CTNNA2: variants seen among roughly 807,000 people sequenced by gnomAD.
The protein encoded by CTNNA2 is catenin alpha 2.
A neutral mutation model predicts 101.0 loss-of-function variants in CTNNA2; 42 were observed. The ratio of observed to expected loss-of-function variants is 0.42; its 90% confidence interval spans 0.32 to 0.54. The LOEUF is 0.54. Ranked by LOEUF, CTNNA2 falls within the 20% of genes least tolerant of loss-of-function variation. The probability of loss-of-function intolerance (pLI) is 0.14; values close to 1 mark genes in which losing one functional copy is unlikely to be tolerated. For synonymous variants in CTNNA2, 450 were observed against 456.4 expected, an observed-to-expected ratio of 0.99 and a Z score of 0.18; for missense variants, 871 against 1,223.1, an observed-to-expected ratio of 0.71 and a Z score of 4.29.
intron 2 of CTNNA2, among the ~76,000 whole-genome samples, chr2:79,310,424 C>T (rs1392751148): frequency 6.6e-6 from 1 of 152,088 alleles, no homozygotes; most frequent in Non-Finnish European, 1.5e-5. Flanking sequence ...ATATGCTTTT[C>T]CTACATACAT....
chr2:79,814,904 T>C (rs1383706329), intron 3 of CTNNA2, among the ~76,000 whole-genome samples: 1 of 152,208 alleles, frequency 6.6e-6, no homozygotes, highest in Admixed American at 6.5e-5. Flanking sequence ...AGTGTAGAAG[T>C]GTTCCCTGAT....
chr2:79,349,999 G>A (rs539895793), intron 3 of CTNNA2, among the ~76,000 whole-genome samples: 180 of 148,870 alleles, frequency 1.2e-3, no homozygotes, highest in Non-Finnish European at 2.1e-3. Context: ...GTGTGAACCC[G>A]GGAGGCAGAG....
chr2:80,478,985 A>G (rs1437912462), intron 9 of CTNNA2, among the ~76,000 whole-genome samples: 2 of 149,456 alleles, frequency 1.3e-5, no homozygotes, highest in African/African-American at 4.9e-5. Flanking sequence ...TTATAACAGT[A>G]TTGATTCTTC....
At chr2:80,273,870 C>T (rs992101377) in intron 7 of CTNNA2, among the ~76,000 whole-genome samples, 7 of 152,084 alleles carry the variant, frequency 4.6e-5, no homozygotes, top group African/African-American at 1.7e-4. Flanking sequence ...AAACACTCTA[C>T]CTTTCCCCTG....
intron 4 of CTNNA2, among the ~76,000 whole-genome samples, chr2:79,385,752 C>A (rs966594057): frequency 6.6e-6 from 1 of 151,874 alleles, no homozygotes. Flanking sequence ...TCTCACTGTT[C>A]GACTCCCACC....
intron 3 of CTNNA2, among the ~76,000 whole-genome samples, chr2:79,807,249 T>G (rs1355190877): frequency 1.3e-5 from 2 of 152,186 alleles, no homozygotes; most frequent in Non-Finnish European, 2.9e-5. Context: ...ATTCATGATT[T>G]TTATCCTCCA....
At chr2:80,093,577 CA>C (rs2148824476) in intron 7 of CTNNA2, among the ~76,000 whole-genome samples, 2 of 152,258 alleles carry the variant, frequency 1.3e-5, no homozygotes, top group African/African-American at 4.8e-5. Context: ...GAGGAATCAC[CA>C]CACTGACTTC....
At chr2:80,485,519 A>C (rs1484095264) in intron 9 of CTNNA2, among the ~76,000 whole-genome samples, 2 of 152,224 alleles carry the variant, frequency 1.3e-5, no homozygotes, top group African/African-American at 4.8e-5. Flanking sequence ...TAATGAATGA[A>C]AAGGTCAGAC....
chr2:80,081,511 C>T (rs1236965307), intron 7 of CTNNA2, among the ~76,000 whole-genome samples: 6 of 150,738 alleles, frequency 4.0e-5, no homozygotes, highest in African/African-American at 1.5e-4. Flanking sequence ...TCCCTCCCTC[C>T]CTCCCTTTCT....
chr2:79,768,820 A>C (rs78395370), intron 3 of CTNNA2, among the ~76,000 whole-genome samples: 18,264 of 151,988 alleles, frequency 0.12, 1,217 homozygotes, highest in Admixed American at 0.17. Flanking sequence ...AGTCCAGCTC[A>C]ACCTTTTGTG....
At position 79,807,896 on chromosome 2, in the gene CTNNA2, T is replaced by G. The variant is rs192744351; in HGVS notation, c.299-50117T>G. Reference sequence around the variant, plus strand: ...GTCGATTTACATTTATGAAACTTCTTACTTTGATATCAAGAAATTATAAGT... The same window carrying G: ...GTCGATTTACATTTATGAAACTTCTGACTTTGATATCAAGAAATTATAAGT... On this transcript the variant is annotated intron_variant, in intron 3 of 18. Transcript: ENST00000402739. Among the ~76,000 whole-genome samples the G allele has an allele frequency of 2.4e-3, 369 of 152,300 alleles. 2 individuals are homozygous for G. Among genetic ancestry groups the G allele is most frequent in the African/African-American group, 8.5e-3 (352 of 41,570 alleles).
chr2:79,937,351 AAAC>A (rs1355252705), intron 7 of CTNNA2, among the ~76,000 whole-genome samples: 1 of 152,228 alleles, frequency 6.6e-6, no homozygotes, highest in African/African-American at 2.4e-5. Context: ...AAATTTGAGA[AAAC>A]AACCTGCTCA....
chr2:79,383,187 G>A (rs1018417845), intron 4 of CTNNA2, among the ~76,000 whole-genome samples: 1 of 152,192 alleles, frequency 6.6e-6, no homozygotes, highest in Non-Finnish European at 1.5e-5. Flanking sequence ...AAGATAAAGT[G>A]CCTTTCAGAA....
chr2:79,255,185 C>T (rs1440998953), intron 2 of CTNNA2, among the ~76,000 whole-genome samples: 1 of 152,182 alleles, frequency 6.6e-6, no homozygotes, highest in African/African-American at 2.4e-5. Context: ...CTATAAGTTG[C>T]ATTTTACTGC....
At chr2:80,433,143 A>G (rs917042010) in intron 9 of CTNNA2, among the ~76,000 whole-genome samples, 3 of 152,168 alleles carry the variant, frequency 2.0e-5, no homozygotes, top group Admixed American at 6.5e-5. Context: ...CTTTTCAAGT[A>G]GGTGACTTCA....
chr2:79,664,122 T>C (rs1682230928), intron 2 of CTNNA2, among the ~76,000 whole-genome samples: 1 of 152,228 alleles, frequency 6.6e-6, no homozygotes, highest in Non-Finnish European at 1.5e-5. Context: ...TTTTGTATGT[T>C]GAAATGTGTA....
At chr2:80,016,840 A>G (rs1574548660) in intron 7 of CTNNA2, among the ~76,000 whole-genome samples, 1 of 152,204 alleles carries the variant, frequency 6.6e-6, no homozygotes, top group East Asian at 1.9e-4. Flanking sequence ...TGATAATCTG[A>G]GTTAATAGGA....
chr2:80,029,360 G>C (rs1003608018), intron 7 of CTNNA2: 4 of 152,136 alleles, frequency 2.6e-5, no homozygotes, highest in African/African-American at 9.7e-5. Context: ...TGAAAGGGAG[G>C]GTGGAAAGGA....
intron 2 of CTNNA2, among the ~76,000 whole-genome samples, chr2:79,259,142 T>A (rs977450994): frequency 3.9e-5 from 6 of 152,152 alleles, no homozygotes; most frequent in Non-Finnish European, 5.9e-5. Context: ...GAGCCCAGTA[T>A]TTTATCGGCT....
Sources: allele counts gnomAD v4.1 joint callset (sites outside exome capture counted in the v4.1 genomes callset), GRCh38; gene constraint gnomAD v4.1.1; transcripts MANE v1.5; gene names NCBI Gene and HGNC (gene_info 2026-07-23, HGNC 2026-07-21).